CADM1: variants seen among roughly 807,000 people sequenced by gnomAD.
CADM1 encodes the protein cell adhesion molecule 1.
CADM1 carries 15 observed loss-of-function variants against 53.1 expected under a neutral mutation model. That is an observed-to-expected ratio of 0.28 (90% CI 0.19 to 0.44). CADM1 has a LOEUF of 0.44. CADM1 is among the 20% of genes least tolerant of loss of function. CADM1 has a pLI of 1.00. For missense variants in CADM1, 434 were observed against 611.3 expected (o/e 0.71, Z 3.06); for synonymous variants, 281 against 243.0 (o/e 1.16, Z -1.45).
chr11:115,493,841 C>T (rs1429360968), intron 1 of CADM1, among the ~76,000 whole-genome samples: 1 of 152,050 alleles, frequency 6.6e-6, no homozygotes, highest in Non-Finnish European at 1.5e-5. Flanking sequence ...AAAGATACCC[C>T]TTAAAAACTC....
At chr11:115,189,496 TG>T (rs1169729279) in intron 10 of CADM1, among the ~76,000 whole-genome samples, 1 of 152,174 alleles carries the variant, frequency 6.6e-6, no homozygotes, top group African/African-American at 2.4e-5. Flanking sequence ...CAACCAGAAC[TG>T]AGACTGTCTA....
intron 1 of CADM1, among the ~76,000 whole-genome samples, chr11:115,402,325 C>A (rs1336618833): frequency 6.6e-6 from 1 of 152,116 alleles, no homozygotes; most frequent in Non-Finnish European, 1.5e-5. Context: ...GAGGTCGAGA[C>A]CAGCCTAGCC....
chr11:115,178,508 C>CAT, intron 11 of CADM1, 136 bp downstream of exon 11: 1 of 479,462 alleles, frequency 2.1e-6, no homozygotes, highest in Non-Finnish European at 4.0e-6. Context: ...TTTCTCTTCT[C>CAT]TCTCTTCCAG....
chr11:115,171,882 A>G lies in CADM1; in HGVS notation c.*4592T>C, dbSNP rs746906520. 6.6e-6 allele frequency: 1 copy of G among 152,208 alleles called. No individual in the cohort carries two copies. The highest frequency in any genetic ancestry group is 1.5e-5 in the Non-Finnish European group (1 of 68,056). The allele number at this position is 152,208 out of a possible 1,614,324, so 9.4% of individuals were successfully genotyped here. A position where few individuals can be genotyped will look rare whatever the true frequency, so the allele number is the denominator to read the frequency against. On this transcript the variant is annotated 3_prime_UTR_variant, in exon 12 of 12. Coordinates refer to ENST00000331581, the MANE Select transcript of CADM1 (RefSeq NM_001301043.2). ...TGGTTTGCAAGGGCATGATGTGTCT[A>G]TATGCAGAGGAGCCCTCAGAGCTCC...
At chr11:115,496,684 T>C (rs1178270087) in intron 1 of CADM1, among the ~76,000 whole-genome samples, 1 of 152,136 alleles carries the variant, frequency 6.6e-6, no homozygotes, top group Non-Finnish European at 1.5e-5. Flanking sequence ...TAGGGGGAAC[T>C]GGCTAGGAGC....
At chr11:115,320,812 T>C (rs1366772899) in intron 1 of CADM1, among the ~76,000 whole-genome samples, 3 of 152,194 alleles carry the variant, frequency 2.0e-5, no homozygotes, top group Non-Finnish European at 2.9e-5. Flanking sequence ...TTATGTAATA[T>C]AGGGGAAAAA....
At chr11:115,368,042 G>GT (rs757430137) in intron 1 of CADM1, among the ~76,000 whole-genome samples, 39 of 119,632 alleles carry the variant, frequency 3.3e-4, no homozygotes, top group African/African-American at 1.1e-3. Flanking sequence ...AAAGCTCCTT[G>GT]TTTTCTTTCC....
chr11:115,354,488 A>T (rs1945813326), intron 1 of CADM1, among the ~76,000 whole-genome samples: 2 of 152,132 alleles, frequency 1.3e-5, no homozygotes, highest in Non-Finnish European at 2.9e-5. Context: ...GGGTCAAGAA[A>T]TGGTAGGAGG....
chr11:115,460,501 T>G (rs1948771627), intron 1 of CADM1, among the ~76,000 whole-genome samples: 1 of 152,188 alleles, frequency 6.6e-6, no homozygotes, highest in Admixed American at 6.5e-5. Context: ...CATTAACCTT[T>G]CGCTACTGGA....
chr11:115,503,686 TG>T (rs1949785099), intron 1 of CADM1, among the ~76,000 whole-genome samples: 2 of 151,370 alleles, frequency 1.3e-5, no homozygotes, highest in South Asian at 4.2e-4. Context: ...GCGTGCAGTT[TG>T]GGGACAGGGG....
chr11:115,256,867 G>A (rs1565328275), intron 1 of CADM1: 1 of 456,052 alleles, frequency 2.2e-6, no homozygotes, highest in Non-Finnish European at 4.4e-6. Context: ...TGCAATGGGA[G>A]CAGATCTCTG....
intron 10 of CADM1, among the ~76,000 whole-genome samples, chr11:115,186,271 G>A (rs865944113): frequency 1.2e-4 from 19 of 152,116 alleles, no homozygotes; most frequent in African/African-American, 4.6e-4. Flanking sequence ...ATAATTTAGG[G>A]GAATCAGTGG....
At chr11:115,343,945 C>A (rs955686752) in intron 1 of CADM1, among the ~76,000 whole-genome samples, 1 of 152,064 alleles carries the variant, frequency 6.6e-6, no homozygotes, top group African/African-American at 2.4e-5. Context: ...ACCTGTTGCT[C>A]AAGTCAGTAC....
chr11:115,324,505 C>T (rs1483033440), intron 1 of CADM1, among the ~76,000 whole-genome samples: 1 of 216 alleles, frequency 4.6e-3, no homozygotes, highest in East Asian at 0.083. Flanking sequence ...TTGGTGTGTT[C>T]GTGGAAAAGA....
chr11:115,358,155 C>T (rs1945926418), intron 1 of CADM1, among the ~76,000 whole-genome samples: 1 of 152,160 alleles, frequency 6.6e-6, no homozygotes, highest in Admixed American at 6.5e-5. Flanking sequence ...ATCTGTCATC[C>T]TTCCTATAGC....
At chr11:115,373,154 A>G (rs540885438) in intron 1 of CADM1, among the ~76,000 whole-genome samples, 9 of 152,244 alleles carry the variant, frequency 5.9e-5, no homozygotes, top group Non-Finnish European at 1.3e-4. Flanking sequence ...CCTGTATTTT[A>G]GCATTTCAAG....
At chr11:115,274,962 T>A (rs1943404750) in intron 1 of CADM1, among the ~76,000 whole-genome samples, 1 of 152,180 alleles carries the variant, frequency 6.6e-6, no homozygotes, top group South Asian at 2.1e-4. Context: ...TGCCATGGTA[T>A]TTTCAGTTGA....
At chr11:115,275,952 C>T (rs1284849217) in intron 1 of CADM1, among the ~76,000 whole-genome samples, 1 of 152,082 alleles carries the variant, frequency 6.6e-6, no homozygotes, top group Non-Finnish European at 1.5e-5. Context: ...GTGTCTATTC[C>T]ATGACTAAGG....
intron 1 of CADM1, among the ~76,000 whole-genome samples, chr11:115,413,528 T>C (rs1273393974): frequency 6.6e-6 from 1 of 151,572 alleles, no homozygotes; most frequent in Non-Finnish European, 1.5e-5. Flanking sequence ...ACTGTCTCCA[T>C]TATCAACACA....
Sources: gnomAD v4.1 joint callset for allele counts (sites outside exome capture counted in the v4.1 genomes callset) on GRCh38, gnomAD v4.1.1 for gene constraint, MANE v1.5 for transcripts, NCBI Gene and HGNC (gene_info 2026-07-23, HGNC 2026-07-21) for gene names.